Variants in PCDH15 observed in about 807,000 individuals in gnomAD.
The protein encoded by PCDH15 is protocadherin-15.
In PCDH15, 129 loss-of-function variants were observed where a neutral mutation model predicts 178.5. The observed-to-expected ratio is 0.72, with a 90% CI of 0.63 to 0.84. The LOEUF (loss-of-function observed/expected upper bound fraction) is 0.84. Among genes scored for constraint, PCDH15 ranks in the 40% least tolerant of loss-of-function variants. The pLI is 0.00. For missense variants in PCDH15, 2,230 were observed against 2,099.9 expected (o/e 1.06, Z -1.21); for synonymous variants, 800 against 732.0 (o/e 1.09, Z -1.50).
At chr10:54,407,275 T>C (rs186329367) in intron 3 of PCDH15, among the ~76,000 whole-genome samples, 2 of 152,194 alleles carry the variant, frequency 1.3e-5, no homozygotes, top group Non-Finnish European at 2.9e-5. Context: ...TTATACCTTG[T>C]CAGAGTGGCA....
chr10:55,489,132 T>C (rs1840361411), intron 2 of PCDH15, among the ~76,000 whole-genome samples: 1 of 151,508 alleles, frequency 6.6e-6, no homozygotes, highest in African/African-American at 2.4e-5. Context: ...TAAACCACCA[T>C]CACTTTTATT....
chr10:55,252,389 A>C (rs1841861412), intron 1 of PCDH15, among the ~76,000 whole-genome samples: 1 of 152,132 alleles, frequency 6.6e-6, no homozygotes, highest in South Asian at 2.1e-4. Flanking sequence ...TAGAATAAAG[A>C]GGTTATTAAA....
chr10:54,375,505 C>G (rs1176507333), intron 4 of PCDH15, among the ~76,000 whole-genome samples: 3 of 151,914 alleles, frequency 2.0e-5, no homozygotes, highest in Non-Finnish European at 2.9e-5. Flanking sequence ...AATATTCTCT[C>G]CCATCAGCTG....
intron 1 of PCDH15, among the ~76,000 whole-genome samples, chr10:55,234,903 ATAT>A (rs72242277): frequency 0.16 from 23,522 of 151,646 alleles, 2,001 homozygotes; most frequent in East Asian, 0.27. Flanking sequence ...ATCAAAGTAT[ATAT>A]TATTATTTTT....
chr10:55,035,933 T>C (rs1033413992), intron 2 of PCDH15, among the ~76,000 whole-genome samples: 4 of 152,150 alleles, frequency 2.6e-5, no homozygotes, highest in African/African-American at 9.7e-5. Flanking sequence ...AATAAAATTA[T>C]TCATCACATT....
intron 2 of PCDH15, among the ~76,000 whole-genome samples, chr10:55,426,962 T>G (rs1210110391): frequency 6.6e-6 from 1 of 152,200 alleles, no homozygotes. Flanking sequence ...CTTGGGGTTT[T>G]TATGGGCACA....
At chr10:54,842,807 A>G (rs1281036289) in intron 3 of PCDH15, among the ~76,000 whole-genome samples, 2 of 151,938 alleles carry the variant, frequency 1.3e-5, no homozygotes, top group African/African-American at 4.8e-5. Context: ...TTGGATAATG[A>G]AAGTCTTATG....
chr10:54,571,343 A>G (rs1174378865), intron 2 of PCDH15, among the ~76,000 whole-genome samples: 3 of 2,064 alleles, frequency 1.5e-3, no homozygotes, highest in East Asian at 0.033. Context: ...GAAAAAAAAA[A>G]AAAAAAAAAA....
intron 1 of PCDH15, among the ~76,000 whole-genome samples, chr10:55,210,618 CTTTTT>C (rs11412877): frequency 0.14 from 5,637 of 39,486 alleles, 11 homozygotes; most frequent in Middle Eastern, 0.23. Context: ...TTTTTCTTTT[CTTTTT>C]TTTTTTTTTT....
At chr10:54,595,358 T>C (rs564381586) in intron 2 of PCDH15, among the ~76,000 whole-genome samples, 2 of 152,176 alleles carry the variant, frequency 1.3e-5, no homozygotes, top group South Asian at 4.2e-4. Context: ...CCACCTGAAG[T>C]CTTCCACTAA....
chr10:54,239,291 A>T (rs2134422572), intron 8 of PCDH15, among the ~76,000 whole-genome samples: 1 of 152,054 alleles, frequency 6.6e-6, no homozygotes, highest in Admixed American at 6.5e-5. Context: ...TGAGCAACAT[A>T]ATTTATTTAC....
At chr10:54,696,687 A>C (rs2095230752) in intron 1 of PCDH15, among the ~76,000 whole-genome samples, 1 of 152,046 alleles carries the variant, frequency 6.6e-6, no homozygotes, top group Non-Finnish European at 1.5e-5. Context: ...TAAATGAAAA[A>C]AAAAACCGCC....
chr10:55,267,552 G>T (rs1842332054), intron 1 of PCDH15, among the ~76,000 whole-genome samples: 1 of 152,138 alleles, frequency 6.6e-6, no homozygotes, highest in South Asian at 2.1e-4. Context: ...TGCTTTTGTG[G>T]AGTGGTTTTC....
intron 2 of PCDH15, among the ~76,000 whole-genome samples, chr10:54,938,700 A>T (rs1217490524): frequency 2.0e-5 from 3 of 152,114 alleles, no homozygotes; most frequent in Admixed American, 2.0e-4. Context: ...ATGGCAAAAG[A>T]CTCTGCAAAT....
At chr10:55,344,113 A>T (rs553358509) in intron 2 of PCDH15, among the ~76,000 whole-genome samples, 1 of 152,236 alleles carries the variant, frequency 6.6e-6, no homozygotes, top group East Asian at 1.9e-4. Flanking sequence ...GCCTTACAGG[A>T]AGAATGAGAT....
At chr10:54,395,429 T>TACACAC (rs3069910) in intron 3 of PCDH15, among the ~76,000 whole-genome samples, 258 of 145,026 alleles carry the variant, frequency 1.8e-3, no homozygotes, top group Non-Finnish European at 2.6e-3. Context: ...GTGCATGTAT[T>TACACAC]ACACACACAC....
chr10:55,376,676 C>T (rs1239185304), intron 2 of PCDH15, among the ~76,000 whole-genome samples: 1 of 151,968 alleles, frequency 6.6e-6, no homozygotes, highest in Non-Finnish European at 1.5e-5. Flanking sequence ...TGTATAGCTT[C>T]AAGATTGCAA....
Position 54,924,392 on chromosome 10 carries a change from C to A in PCDH15, c.-79-26892G>T, listed in dbSNP as rs528684803. On this transcript the variant is annotated intron_variant, in intron 2 of 5. Coordinates refer to the PCDH15 transcript ENST00000458638. ...CACATCTTTGCTATTGTGCATACTA[C>A]AGAACTAAATATACACATGCATGTG... Among the ~76,000 whole-genome samples, 7 of 137,878 alleles carry A rather than the reference C, an allele frequency of 5.1e-5. 2 individuals carry two copies. The highest frequency in any genetic ancestry group is 1.2e-4 in the Non-Finnish European group (7 of 59,228). 90.5% of individuals were successfully genotyped at this position (137,878 alleles called of 152,430 possible).
intron 5 of PCDH15, among the ~76,000 whole-genome samples, chr10:54,356,239 AC>A (rs1638805723): frequency 6.6e-6 from 1 of 152,074 alleles, no homozygotes; most frequent in South Asian, 2.1e-4. Flanking sequence ...ACATTCATGC[AC>A]AAAGTCTACG....
Sources: gnomAD v4.1 joint callset for allele counts (sites outside exome capture counted in the v4.1 genomes callset) on GRCh38, gnomAD v4.1.1 for gene constraint, MANE v1.5 for transcripts, NCBI Gene and HGNC (gene_info 2026-07-23, HGNC 2026-07-21) for gene names.